Variants in LMOD1 observed in about 807,000 individuals in gnomAD.
LMOD1 encodes the protein leiomodin-1.
LMOD1 carries 8 observed loss-of-function variants against 36.5 expected under a neutral mutation model. The ratio of observed to expected loss-of-function variants is 0.22; its 90% confidence interval spans 0.13 to 0.40. The LOEUF (loss-of-function observed/expected upper bound fraction) is 0.40. Among genes scored for constraint, LMOD1 ranks in the 10% least tolerant of loss-of-function variants. LMOD1 has a pLI of 1.00. For synonymous variants in LMOD1, 284 were observed against 288.7 expected (o/e 0.98, Z 0.17); for missense variants, 630 against 751.1 (o/e 0.84, Z 1.88).
At chr1:201,930,404 A>G (rs1681897559) in intron 1 of LMOD1, among the ~76,000 whole-genome samples, 1 of 152,198 alleles carries the variant, frequency 6.6e-6, no homozygotes, top group Admixed American at 6.5e-5. Context: ...TCATAGAGGC[A>G]GAAACAACAG....
In LMOD1 at chr1:201,901,530, G is replaced by A. The variant is rs28465656; in HGVS notation, c.262-779C>T. ...AAAAAAAATATATATATATATATAT[G>A]TATATATATATATATATATATACAT... On this transcript the variant is annotated intron_variant, in intron 1 of 2. Transcript: ENST00000367288. Among the ~76,000 whole-genome samples, 347 of 49,708 alleles carry A rather than the reference G, an allele frequency of 7.0e-3. 3 individuals are homozygous for A. Among genetic ancestry groups the A allele is most frequent in the African/African-American group, 0.016 (144 of 8,936 alleles). The allele number at this position is 49,708 out of a possible 152,430, so 32.6% of individuals were successfully genotyped here.
intron 1 of LMOD1, among the ~76,000 whole-genome samples, chr1:201,904,605 C>T (rs931347705): frequency 6.6e-6 from 1 of 152,218 alleles, no homozygotes; most frequent in Non-Finnish European, 1.5e-5. Context: ...TAGTTACCTC[C>T]CCTACCCTGG....
Position 201,899,072 on chromosome 1 carries a change from G to C in LMOD1, c.1776+165C>G, listed in dbSNP as rs545368719. Reference sequence around the variant, plus strand: ...ATATACAGGTGTGACCTGCCTGCAGGCAGGAGGATGCATGAGATGACCTGA... The same window carrying C: ...ATATACAGGTGTGACCTGCCTGCAGCCAGGAGGATGCATGAGATGACCTGA... On this transcript the variant is annotated intron_variant, in intron 2 of 2. Transcript: ENST00000367288. The surrounding 1 kb of genome is among the most constrained non-coding windows in gnomAD (Gnocchi z 6.3). 1.7e-6 allele frequency: 1 copy of C among 603,798 alleles called. No homozygotes were observed. The highest frequency in any genetic ancestry group is 2.8e-5 in the East Asian group (1 of 35,858). 37.4% of individuals were successfully genotyped at this position (603,798 alleles called of 1,614,324 possible). A position where few individuals can be genotyped will look rare whatever the true frequency, so the allele number is the denominator to read the frequency against.
intron 1 of LMOD1, among the ~76,000 whole-genome samples, chr1:201,935,225 G>T (rs909282342): frequency 2.0e-5 from 3 of 152,156 alleles, no homozygotes; most frequent in Admixed American, 6.5e-5. Context: ...CTCAAAGATG[G>T]TTTGATGAGA....
chr1:201,922,815 G>A (rs1267368407), intron 1 of LMOD1, among the ~76,000 whole-genome samples: 2 of 151,540 alleles, frequency 1.3e-5, no homozygotes, highest in Admixed American at 6.6e-5. Context: ...ACTGCATTGG[G>A]TATTTTAAAG....
chr1:201,924,383 A>G lies in LMOD1; in HGVS notation c.261+21697T>C, dbSNP rs1352399310. Among the ~76,000 whole-genome samples, 24 of 128,276 alleles carry G rather than the reference A, an allele frequency of 1.9e-4. 2 individuals carry two copies. Among genetic ancestry groups the G allele is most frequent in the South Asian group, 3.0e-4 (1 of 3,338 alleles). 84.2% of individuals were successfully genotyped at this position (128,276 alleles called of 152,430 possible). The stretch of plus-strand genomic sequence containing the variant: ...AGGGAGAGAGGGAGGGAGGGAGGGA[A>G]GGAAGGAAGGAAGGAAGGAAGCAAG... On this transcript the variant is annotated intron_variant, in intron 1 of 2. Coordinates refer to ENST00000367288, the MANE Select transcript of LMOD1 (RefSeq NM_012134.3).
At position 201,910,143 on chromosome 1, in the gene LMOD1, T is replaced by C. The variant is rs548924595; in HGVS notation, c.262-9392A>G. On this transcript the variant is annotated intron_variant, in intron 1 of 2. Transcript: ENST00000367288. ...GCCATCTGAAGTGGGCAGAGCTTGG[T>C]GAGGCTCCAGTCTCAGCAAGAGGAG... is the stretch of plus-strand genomic sequence containing the variant. 6.6e-5 allele frequency among the ~76,000 whole-genome samples: 10 copies of C among 152,340 alleles called. No homozygotes were observed. The South Asian group carries it at 2.1e-3, about 32-fold the overall frequency.
At chr1:201,921,731 C>T (rs971325519) in intron 1 of LMOD1, among the ~76,000 whole-genome samples, 16 of 151,776 alleles carry the variant, frequency 1.1e-4, no homozygotes, top group African/African-American at 3.4e-4. Context: ...GAGGCTGAGG[C>T]GGGCGGATCA....
At position 201,900,213 on chromosome 1, in the gene LMOD1, T is replaced by C; in HGVS notation, c.800A>G (p.Asp267Gly). 6.2e-7 allele frequency: 1 copy of C among 1,613,944 alleles called. No individual in the cohort carries two copies. The highest frequency in any genetic ancestry group is 8.5e-7 in the Non-Finnish European group (1 of 1,179,876). ...RGTGNTDTKK[D>G]DEKVKKNEPL... is the part of the protein sequence containing the mutation. The stretch of plus-strand genomic sequence containing the variant: ...TTCATTCTTCTTGACTTTTTCATCG[T>C]CCTTTTTGGTGTCTGTGTTCCCAGT... Residue 267 changes from aspartate to glycine, a missense_variant, in exon 2 of 3, where the codon GAC becomes GGC. Transcript: ENST00000367288.
chr1:201,914,006 G>GT (rs1293025863), intron 1 of LMOD1, among the ~76,000 whole-genome samples: 1 of 152,150 alleles, frequency 6.6e-6, no homozygotes, highest in Non-Finnish European at 1.5e-5. Context: ...CTCTTTGGGA[G>GT]TGTAGATGGA....
chr1:201,933,743 T>C (rs1681970236), intron 1 of LMOD1, among the ~76,000 whole-genome samples: 1 of 151,504 alleles, frequency 6.6e-6, no homozygotes, highest in Admixed American at 6.6e-5. Context: ...TTTGTGATAA[T>C]TCATGAAACT....
intron 1 of LMOD1, among the ~76,000 whole-genome samples, chr1:201,920,465 T>G (rs1419549064): frequency 6.6e-6 from 1 of 152,138 alleles, no homozygotes; most frequent in Non-Finnish European, 1.5e-5. Flanking sequence ...CTGAGGCCCT[T>G]GGAGACACCG....
At position 201,946,407 on chromosome 1, in the gene LMOD1, T is replaced by A; in HGVS notation, c.-67A>T. ...CTGGTGGGCAGGGAAGGGAGAGGGG[T>A]GAGCTGATCTGGATGCAGCGAGTGG... On this transcript the variant is annotated 5_prime_UTR_variant, in exon 1 of 3. Coordinates refer to ENST00000367288, the MANE Select transcript of LMOD1 (RefSeq NM_012134.3). 2 of 1,538,516 alleles carry A rather than the reference T, an allele frequency of 1.3e-6. No individual in the cohort carries two copies. Among genetic ancestry groups the A allele is most frequent in the African/African-American group, 2.7e-5 (2 of 73,462 alleles).
intron 1 of LMOD1, among the ~76,000 whole-genome samples, chr1:201,908,195 C>G (rs114530928): frequency 6.6e-6 from 1 of 152,294 alleles, no homozygotes; most frequent in South Asian, 2.1e-4. Context: ...TTTTGGTTAT[C>G]CCAGCTCTGA....
chr1:201,925,009 G>T (rs1257017734), intron 1 of LMOD1, among the ~76,000 whole-genome samples: 1 of 152,224 alleles, frequency 6.6e-6, no homozygotes, highest in Non-Finnish European at 1.5e-5. Context: ...GAGGTCAGGA[G>T]TTCAAGGCCA....
At chr1:201,919,811 A>G (rs1351058661) in intron 1 of LMOD1, among the ~76,000 whole-genome samples, 1 of 152,114 alleles carries the variant, frequency 6.6e-6, no homozygotes, top group African/African-American at 2.4e-5. Flanking sequence ...TCCACTAACC[A>G]GGGCAGACTC....
At chr1:201,940,787 T>G (rs1323131870) in intron 1 of LMOD1, among the ~76,000 whole-genome samples, 4 of 150,648 alleles carry the variant, frequency 2.7e-5, no homozygotes, top group Admixed American at 2.6e-4. Context: ...CTGCTCTTGT[T>G]GCCCAGGCTG....
In LMOD1 at chr1:201,900,617, T is replaced by C; in HGVS notation, c.396A>G (p.Lys132=). 1 of 1,613,884 alleles carries C rather than the reference T, an allele frequency of 6.2e-7. No individual in the cohort carries two copies. The highest frequency in any genetic ancestry group is 2.2e-5 in the East Asian group (1 of 44,870). The change falls in exon 2 of 3, where the codon AAA becomes AAG. Residue 132 remains lysine, a synonymous_variant. Transcript: ENST00000367288. ...CTTCATCTCTGTCTCTAGAGAAGCT[T>C]TTCTTTAAACCACCCCTCTTTGGCT... ...GKEPKRGGLK[K]SFSRDRDEAG... is the part of the protein sequence containing the mutation.
At position 201,946,071 on chromosome 1, in the gene LMOD1, C is replaced by A; in HGVS notation, c.261+9G>T. 6.2e-7 allele frequency: 1 copy of A among 1,611,646 alleles called. No individual in the cohort carries two copies. Among genetic ancestry groups the A allele is most frequent in the Non-Finnish European group, 8.5e-7 (1 of 1,177,964 alleles). On this transcript the variant is annotated intron_variant, in intron 1 of 2. Transcript: ENST00000367288. ...CTCCCTCCTCCCCTCCAGGGCTGTG[C>A]TCACTCACATCCATGGACATCTCCC...
Sources: gnomAD v4.1 joint callset for allele counts (sites outside exome capture counted in the v4.1 genomes callset) on GRCh38, gnomAD v4.1.1 for gene constraint, Gnocchi (gnomAD v3.1) non-coding constraint, MANE v1.5 for transcripts, NCBI Gene and HGNC (gene_info 2026-07-23, HGNC 2026-07-21) for gene names.